The following ABTB2 variants were observed in gnomAD, a reference collection of about 807,000 sequenced individuals.
The protein encoded by ABTB2 is ankyrin repeat and BTB domain containing 2, also known as ankyrin repeat and BTB/POZ domain-containing protein 2.
A neutral mutation model predicts 104.1 loss-of-function variants in ABTB2; 56 were observed. The observed-to-expected ratio is 0.54, with a 90% confidence interval of 0.43 to 0.67. ABTB2 has a LOEUF of 0.67. ABTB2 is among the 30% of genes least tolerant of loss of function. ABTB2 has a pLI of 0.00. For synonymous variants in ABTB2, 606 were observed against 608.2 expected (o/e 1.00, Z 0.05); for missense variants, 1,279 against 1,407.7 (o/e 0.91, Z 1.46).
Position 34,356,671 on chromosome 11 carries a change from A to G in ABTB2, c.883+30T>C. Reference sequence around the variant, plus strand: ...CCAGGGCGGGATTTCTTGCCTACCCAGTCTGCCAGTCCGAGGCCCGCGCGC... The same window carrying G: ...CCAGGGCGGGATTTCTTGCCTACCCGGTCTGCCAGTCCGAGGCCCGCGCGC... On this transcript the variant is annotated intron_variant, in intron 1 of 16. Transcript: ENST00000435224. This position sits in a 1 kb window ranked among gnomAD's most constrained non-coding sequence, Gnocchi z 4.6. 6.5e-7 allele frequency: 1 copy of G among 1,533,758 alleles called. No individual in the cohort carries two copies. Among genetic ancestry groups the G allele is most frequent in the Non-Finnish European group, 8.8e-7 (1 of 1,132,162 alleles).
chr11:34,300,510 C>T (rs1057437753), intron 1 of ABTB2, among the ~76,000 whole-genome samples: 2 of 152,268 alleles, frequency 1.3e-5, no homozygotes, highest in Admixed American at 6.5e-5. Context: ...CTGAAAGGCA[C>T]CCATTAGCAT....
intron 2 of ABTB2, among the ~76,000 whole-genome samples, chr11:34,197,800 G>T (rs1043297516): frequency 2.0e-5 from 3 of 152,110 alleles, no homozygotes; most frequent in African/African-American, 7.2e-5. Flanking sequence ...AGGGTAATTT[G>T]GTTTCTTTTT....
chr11:34,194,429 C>T (rs1032946090), intron 3 of ABTB2, among the ~76,000 whole-genome samples: 21 of 152,350 alleles, frequency 1.4e-4, no homozygotes, highest in African/African-American at 4.3e-4. Flanking sequence ...AAGAGACAGA[C>T]GTCGCACATC....
At position 34,357,172 on chromosome 11, in the gene ABTB2, G is replaced by T. The variant is rs1055776293; in HGVS notation, c.412C>A (p.Arg138Ser). ...AGGCGCTGCGCCTCGCGGGCCACGC[G>T]GATCAGTGCCCTGCGGAGCAGCCCG... is the stretch of plus-strand genomic sequence containing the variant. ...LAGLLRRALI[R>S]VAREAQRLSV... Residue 138 changes from arginine to serine, a missense_variant, in exon 1 of 17, where the codon CGC becomes AGC. By Grantham distance (110) the Arg-to-Ser change is moderately radical. Transcript: ENST00000435224. 4.6e-5 allele frequency: 69 copies of T among 1,500,482 alleles called. No individual in the cohort carries two copies. Among genetic ancestry groups the T allele is most frequent in the Non-Finnish European group, 5.8e-5 (66 of 1,133,844 alleles). The allele number at this position is 1,500,482 out of a possible 1,614,324, so 92.9% of individuals were successfully genotyped here. A position where few individuals can be genotyped will look rare whatever the true frequency, so the allele number is the denominator to read the frequency against.
At chr11:34,338,946 T>C (rs1855228689) in intron 1 of ABTB2, among the ~76,000 whole-genome samples, 1 of 152,222 alleles carries the variant, frequency 6.6e-6, no homozygotes, top group African/African-American at 2.4e-5. Flanking sequence ...TTCCATCGTC[T>C]TGAAATCAGC....
Position 34,197,432 on chromosome 11 carries a change from C to T in ABTB2, c.1137G>A (p.Trp379Ter). 1.2e-6 allele frequency: 2 copies of T among 1,606,260 alleles called. No individual in the cohort carries two copies. The highest frequency in any genetic ancestry group is 1.7e-6 in the Non-Finnish European group (2 of 1,174,996). The change falls in exon 3 of 17, where the codon TGG becomes TGA. Residue 379 changes from tryptophan to a stop codon, truncating the protein, a stop_gained. Coordinates refer to ENST00000435224, the MANE Select transcript of ABTB2 (RefSeq NM_145804.3). LOFTEE classifies it high-confidence loss of function. ...QARQPPQPITWSPDALHTLYY... is the reference protein window; with the variant it reads ...QARQPPQPIT ...AGAGCGTGTGGAGGGCGTCGGGGGA[C>T]CAAGTGATGGGCTGTGGCGGCTGGC...
intron 1 of ABTB2, chr11:34,336,060 AC>A: frequency 2.6e-6 from 1 of 386,100 alleles, no homozygotes; most frequent in East Asian, 4.7e-5. Flanking sequence ...TATTCCAGTC[AC>A]CACCACTGTC....
intron 14 of ABTB2, among the ~76,000 whole-genome samples, chr11:34,158,911 A>C (rs1270643871): frequency 1.3e-5 from 2 of 152,208 alleles, no homozygotes; most frequent in Non-Finnish European, 2.9e-5. Context: ...GTGAAGATGC[A>C]GGAGGGCTGG....
intron 1 of ABTB2, among the ~76,000 whole-genome samples, chr11:34,232,467 T>TC (rs1565147447): frequency 7.1e-6 from 1 of 141,830 alleles, no homozygotes; most frequent in Admixed American, 7.0e-5. Flanking sequence ...AAAAAAAAAA[T>TC]TGTTCTTAAA....
At chr11:34,301,535 G>A (rs1371688427) in intron 1 of ABTB2, among the ~76,000 whole-genome samples, 1 of 152,224 alleles carries the variant, frequency 6.6e-6, no homozygotes, top group Non-Finnish European at 1.5e-5. Context: ...CCTCAACACT[G>A]AAAGAAGAGA....
chr11:34,335,606 T>C lies in ABTB2; in HGVS notation c.883+21095A>G. The C allele has an allele frequency of 8.0e-6, 12 of 1,504,358 alleles. No individual in the cohort carries two copies. The Admixed American group carries it at 8.4e-5, about 11-fold the overall frequency. The allele number at this position is 1,504,358 out of a possible 1,614,324, so 93.2% of individuals were successfully genotyped here. On this transcript the variant is annotated intron_variant, in intron 1 of 16. Coordinates refer to ENST00000435224, the MANE Select transcript of ABTB2 (RefSeq NM_145804.3). Reference sequence around the variant, plus strand: ...CAAAGTTAAGTTTCTGCACTGTTAATTTCTTGTTCAACAGGTGCATCATTA... The same window carrying C: ...CAAAGTTAAGTTTCTGCACTGTTAACTTCTTGTTCAACAGGTGCATCATTA...
intron 1 of ABTB2, among the ~76,000 whole-genome samples, chr11:34,350,007 A>G (rs780597615): frequency 9.2e-5 from 14 of 152,320 alleles, no homozygotes; most frequent in Admixed American, 3.9e-4. Flanking sequence ...CTGAGTATGC[A>G]TAAGGCACAA....
chr11:34,191,516 A>G (rs1401245165), intron 3 of ABTB2, among the ~76,000 whole-genome samples: 2 of 152,192 alleles, frequency 1.3e-5, no homozygotes, highest in African/African-American at 2.4e-5. Flanking sequence ...CAAGATTAGT[A>G]TAACATCAGC....
In ABTB2 at chr11:34,197,334, T is replaced by C. The variant is rs1853270632; in HGVS notation, c.1235A>G (p.Asn412Ser). ...CAAGGAAGATCCCTACCGTTCATTG[T>C]TCAAGGTCATTCTCGGGGGGTCCAG... ...PNLDPPRMTL[N>S]NERPFMLLPP... Residue 412 changes from asparagine (N) to serine (S), a missense_variant, in exon 3 of 17, where the codon AAC becomes AGC. Coordinates refer to ENST00000435224, the MANE Select transcript of ABTB2 (RefSeq NM_145804.3). 2 of 1,614,058 alleles carry C rather than the reference T, an allele frequency of 1.2e-6. No individual in the cohort carries two copies. Among genetic ancestry groups the C allele is most frequent in the Non-Finnish European group, 1.7e-6 (2 of 1,179,982 alleles).
rs368804664 is a variant in ABTB2, at chr11:34,197,547, G to A, written c.1031-9C>T. 4.5e-6 allele frequency: 7 copies of A among 1,547,032 alleles called. No homozygotes were observed. The highest frequency in any genetic ancestry group is 1.9e-5 in the Admixed American group (1 of 52,738). ...ACGGGAGACCAAGTCACCTGGTGGG[G>A]GGCGGGGAGGGCAGAGGGGAGGAAG... On this transcript the variant is annotated splice_polypyrimidine_tract_variant and intron_variant, in intron 2 of 16. Transcript: ENST00000435224.
At chr11:34,334,563 G>A (rs1855169761) in intron 1 of ABTB2, among the ~76,000 whole-genome samples, 1 of 152,100 alleles carries the variant, frequency 6.6e-6, no homozygotes, top group Admixed American at 6.6e-5. Flanking sequence ...TAGCTATAAT[G>A]TGAACTCAAC....
At chr11:34,234,179 G>T (rs950068358) in intron 1 of ABTB2, among the ~76,000 whole-genome samples, 3 of 152,132 alleles carry the variant, frequency 2.0e-5, no homozygotes, top group Non-Finnish European at 4.4e-5. Context: ...GGGGGCAAGG[G>T]TAAGAGCGTC....
chr11:34,194,829 C>G (rs958371737), intron 3 of ABTB2, among the ~76,000 whole-genome samples: 5 of 149,124 alleles, frequency 3.4e-5, no homozygotes, highest in Non-Finnish European at 7.4e-5. Flanking sequence ...GTCTGATATT[C>G]ATTTGAAATG....
chr11:34,289,386 G>C (rs559953573), intron 1 of ABTB2, among the ~76,000 whole-genome samples: 2 of 152,168 alleles, frequency 1.3e-5, no homozygotes, highest in African/African-American at 4.8e-5. Flanking sequence ...TGCTAATGTC[G>C]TGCTTACTAT....
Sources: allele counts gnomAD v4.1 joint callset (sites outside exome capture counted in the v4.1 genomes callset), GRCh38; gene constraint gnomAD v4.1.1; non-coding constraint Gnocchi (gnomAD v3.1); transcripts MANE v1.5; gene names NCBI Gene and HGNC (gene_info 2026-07-23, HGNC 2026-07-21).